The following ST14 variants were observed in gnomAD, a reference collection of about 807,000 sequenced individuals.
ST14 encodes suppressor of tumorigenicity 14 protein.
In ST14, 40 loss-of-function variants were observed where a neutral mutation model predicts 96.5. The ratio of observed to expected loss-of-function variants is 0.41; its 90% CI spans 0.32 to 0.54. ST14 has a LOEUF of 0.54. Ranked by LOEUF, ST14 falls within the 20% of genes least tolerant of loss-of-function variation. The pLI, the probability that ST14 is intolerant of heterozygous loss-of-function variation, is 0.17. For missense variants in ST14, 1,066 were observed against 1,188.9 expected (o/e 0.90, Z 1.52); for synonymous variants, 506 against 492.1 (o/e 1.03, Z -0.37).
Position 130,208,391 on chromosome 11 carries a change from T to G in ST14, c.1995-19T>G, listed in dbSNP as rs772981617. ...AGACCCGAGTGACCGCGCAGTCTCA[T>G]AGCGGCTCTCCCTACCAGGTACTCA... is the stretch of plus-strand genomic sequence containing the variant. On this transcript the variant is annotated intron_variant, in intron 16 of 18. Transcript: ENST00000278742. The G allele has an allele frequency of 6.2e-7, 1 of 1,613,856 alleles. No homozygotes were observed. The highest frequency in any genetic ancestry group is 8.5e-7 in the Non-Finnish European group (1 of 1,180,004).
At chr11:130,168,530 C>G (rs1458298139) in intron 1 of ST14, among the ~76,000 whole-genome samples, 1 of 152,126 alleles carries the variant, frequency 6.6e-6, no homozygotes. Flanking sequence ...CAGTGCTGAT[C>G]ACACTTGGTG....
rs184112352 is a variant in ST14, at chr11:130,180,044, T to A, written c.82-8070T>A. On this transcript the variant is annotated intron_variant, in intron 1 of 18. Coordinates refer to ENST00000278742, the MANE Select transcript of ST14 (RefSeq NM_021978.4). Reference sequence around the variant, plus strand: ...TAGTTTATGGTTCTCATGACCCTGGTGGGGGTGATGACATCATGGGATTGA... The same window carrying A: ...TAGTTTATGGTTCTCATGACCCTGGAGGGGGTGATGACATCATGGGATTGA... 4.5e-4 allele frequency among the ~76,000 whole-genome samples: 69 copies of A among 152,330 alleles called. 1 individual carries two copies. Among genetic ancestry groups the A allele is most frequent in the African/African-American group, 1.6e-3 (68 of 41,574 alleles).
At chr11:130,190,182 G>C (rs1051152071) in intron 6 of ST14, 34 bp downstream of exon 6, 4 of 1,613,910 alleles carry the variant, frequency 2.5e-6, no homozygotes, top group Non-Finnish European at 3.4e-6. Flanking sequence ...TTCTGGGTGG[G>C]GAAGAGGCGG....
chr11:130,196,606 C>G lies in ST14; in HGVS notation c.1260C>G (p.Ser420Arg). Reference protein sequence around the residue: ...CGERSQFVVTSNSNKITVRFH... With the variant: ...CGERSQFVVTRNSNKITVRFH... ...AGAGGTCCCAGTTCGTCGTCACCAG[C>G]AACAGCAACAAGATCACAGTTCGCT... Residue 420 changes from serine (S) to arginine (R), a missense_variant, in exon 11 of 19, where the codon AGC (serine) becomes AGG (arginine). Ser to Arg is a moderately radical substitution (Grantham distance 110). Coordinates refer to ENST00000278742, the MANE Select transcript of ST14 (RefSeq NM_021978.4). 6.2e-7 allele frequency: 1 copy of G among 1,613,930 alleles called. No homozygotes were observed. Among genetic ancestry groups the G allele is most frequent in the Non-Finnish European group, 8.5e-7 (1 of 1,179,978 alleles).
chr11:130,198,022 C>G (rs1953386843), intron 12 of ST14, 77 bp downstream of exon 12: 3 of 1,439,204 alleles, frequency 2.1e-6, no homozygotes, highest in African/African-American at 1.4e-5. Flanking sequence ...TGCTGGCTGA[C>G]TGCCGAGGCA....
intron 1 of ST14, among the ~76,000 whole-genome samples, chr11:130,169,063 C>T (rs116598536): frequency 0.061 from 9,163 of 149,588 alleles, 974 homozygotes; most frequent in African/African-American, 0.21. Context: ...CCCATACATA[C>T]CATATTATTT....
intron 16 of ST14, among the ~76,000 whole-genome samples, chr11:130,200,570 C>T (rs1280559210): frequency 1.3e-5 from 2 of 152,190 alleles, no homozygotes; most frequent in Non-Finnish European, 2.9e-5. Flanking sequence ...CAAAACACCT[C>T]CTACCACGCC....
At chr11:130,182,434 T>TGCTTCAACCTCCC (rs903516806) in intron 1 of ST14, among the ~76,000 whole-genome samples, 1 of 151,636 alleles carries the variant, frequency 6.6e-6, no homozygotes, top group Non-Finnish European at 1.5e-5. Context: ...ATCATCCTCC[T>TGCTTCAACCTCCC]GCCTCAACCT....
chr11:130,188,110 G>C lies in ST14; in HGVS notation c.82-4G>C. On this transcript the variant is annotated splice_region_variant and splice_polypyrimidine_tract_variant and intron_variant, in intron 1 of 18. Transcript: ENST00000278742. The surrounding 1 kb of genome is among the most constrained non-coding windows in gnomAD (Gnocchi z 5.4). ...TCTGAGTGGTGGCGCCTCTCTCCCT[G>C]CAGAAAGTGAATGGCTTGGAGGAAG... is the stretch of plus-strand genomic sequence containing the variant. 3 of 1,614,074 alleles carry C rather than the reference G, an allele frequency of 1.9e-6. No individual in the cohort carries two copies. Among genetic ancestry groups the C allele is most frequent in the Non-Finnish European group, 2.5e-6 (3 of 1,179,992 alleles).
chr11:130,180,315 T>C (rs1305012264), intron 1 of ST14, among the ~76,000 whole-genome samples: 2 of 152,216 alleles, frequency 1.3e-5, no homozygotes, highest in African/African-American at 4.8e-5. Context: ...AAGGGGCCTC[T>C]TGAGGTTTCC....
chr11:130,191,442 C>T (rs527926625), intron 7 of ST14, among the ~76,000 whole-genome samples: 1 of 152,312 alleles, frequency 6.6e-6, no homozygotes, highest in East Asian at 1.9e-4. Context: ...GTAAGCCCAG[C>T]ACTTTGGGAG....
At chr11:130,195,290 G>A (rs1953348425) in intron 9 of ST14, among the ~76,000 whole-genome samples, 5 of 151,870 alleles carry the variant, frequency 3.3e-5, no homozygotes, top group South Asian at 2.1e-4. Context: ...GAGACCATGT[G>A]TCTTAGGGCC....
At chr11:130,198,918 G>T in intron 14 of ST14, 29 bp from the exon 15 acceptor site, 1 of 1,613,434 alleles carries the variant, frequency 6.2e-7, no homozygotes, top group Non-Finnish European at 8.5e-7. Context: ...GAGGAATTGA[G>T]CCCCTCCCTT....
At chr11:130,167,295 AAAAAAATTTTTTTCCT>A (rs1186650471) in intron 1 of ST14, among the ~76,000 whole-genome samples, 2 of 152,222 alleles carry the variant, frequency 1.3e-5, no homozygotes, top group African/African-American at 4.8e-5. Flanking sequence ...CATGTTTTCT[AAAAAAATTTTTTTCCT>A]CATTACCACA....
intron 1 of ST14, among the ~76,000 whole-genome samples, chr11:130,164,665 C>T (rs894331778): frequency 6.6e-6 from 1 of 151,608 alleles, no homozygotes; most frequent in African/African-American, 2.4e-5. Context: ...GTGATCTGCC[C>T]ACCTCAGCCT....
rs1953197234 is a variant in ST14, at chr11:130,181,999, C to G, written c.82-6115C>G. Among the ~76,000 whole-genome samples, 1 of 152,230 alleles carries G rather than the reference C, an allele frequency of 6.6e-6. No individual in the cohort carries two copies. On this transcript the variant is annotated intron_variant, in intron 1 of 18. Coordinates refer to ENST00000278742, the MANE Select transcript of ST14 (RefSeq NM_021978.4). This position sits in a 1 kb window ranked among gnomAD's most constrained non-coding sequence, Gnocchi z 4.1. ...GTCAATGCCCTCAGCCACCTTACCCCTTCTCATGGGAGTCTCTGTCTTCTG... is the reference window on the plus strand; with the variant it reads ...GTCAATGCCCTCAGCCACCTTACCCGTTCTCATGGGAGTCTCTGTCTTCTG...
intron 16 of ST14, among the ~76,000 whole-genome samples, chr11:130,202,298 G>A (rs1953436960): frequency 6.6e-6 from 1 of 152,144 alleles, no homozygotes; most frequent in Admixed American, 6.6e-5. Context: ...AACACCCCTG[G>A]TTACTATTGA....
intron 17 of ST14, 80 bp downstream of exon 17, chr11:130,208,764 C>A: frequency 6.7e-7 from 1 of 1,499,556 alleles, no homozygotes; most frequent in Non-Finnish European, 9.0e-7. Context: ...CGTGTCCGGT[C>A]TCGGGGCGGG....
At chr11:130,200,328 T>C (rs751889419) in intron 16 of ST14, among the ~76,000 whole-genome samples, 191 bp downstream of exon 16, 9 of 152,188 alleles carry the variant, frequency 5.9e-5, no homozygotes, top group Non-Finnish European at 1.2e-4. Flanking sequence ...TGGCCCATGG[T>C]TCTGCAGGCT....
Sources: gnomAD v4.1 joint callset for allele counts (sites outside exome capture counted in the v4.1 genomes callset) on GRCh38, gnomAD v4.1.1 for gene constraint, Gnocchi (gnomAD v3.1) non-coding constraint, MANE v1.5 for transcripts, NCBI Gene and HGNC (gene_info 2026-07-23, HGNC 2026-07-21) for gene names.